Variants in ADGRA3 observed in about 807,000 individuals in gnomAD.
The protein encoded by ADGRA3 is adhesion G protein-coupled receptor A3, also known as G-protein coupled receptor 125.
In ADGRA3, 56 loss-of-function variants were observed where a neutral mutation model predicts 119.8. The ratio of observed to expected loss-of-function variants is 0.47; its 90% confidence interval spans 0.38 to 0.58. The LOEUF (loss-of-function observed/expected upper bound fraction) is 0.58, where lower values mean the gene tolerates loss of function less well. Ranked by LOEUF, ADGRA3 falls within the 20% of genes least tolerant of loss-of-function variation. The probability of loss-of-function intolerance (pLI) is 0.00; values close to 1 mark genes in which losing one functional copy is unlikely to be tolerated. For synonymous variants in ADGRA3, 607 were observed against 623.8 expected (o/e 0.97, Z 0.40); for missense variants, 1,516 against 1,649.0 (o/e 0.92, Z 1.40).
intron 2 of ADGRA3, among the ~76,000 whole-genome samples, chr4:22,469,147 T>C (rs913086670): frequency 6.6e-6 from 1 of 152,120 alleles, no homozygotes; most frequent in Non-Finnish European, 1.5e-5. Flanking sequence ...CCTCCCTCTG[T>C]TCTGTGCTTT....
chr4:22,419,579 G>A (rs1715565828), intron 12 of ADGRA3, among the ~76,000 whole-genome samples: 1 of 152,212 alleles, frequency 6.6e-6, no homozygotes, highest in Admixed American at 6.5e-5. Context: ...TTACCCAGAG[G>A]GGTAGGTTGT....
intron 1 of ADGRA3, among the ~76,000 whole-genome samples, chr4:22,489,535 C>T (rs769009559): frequency 6.6e-6 from 1 of 151,942 alleles, no homozygotes; most frequent in African/African-American, 2.4e-5. Flanking sequence ...AAAAAAATAA[C>T]GAAAAGGAAA....
At chr4:22,434,975 T>C (rs1716336267) in intron 10 of ADGRA3, among the ~76,000 whole-genome samples, 1 of 152,196 alleles carries the variant, frequency 6.6e-6, no homozygotes, top group Non-Finnish European at 1.5e-5. Flanking sequence ...CACGAGGATA[T>C]GTGGAGAAGA....
At chr4:22,436,707 G>T in intron 8 of ADGRA3, 66 bp from the exon 9 acceptor site, 1 of 1,374,950 alleles carries the variant, frequency 7.3e-7, no homozygotes, top group Non-Finnish European at 1.0e-6. Flanking sequence ...AATAACAACA[G>T]CAGAGAAAAA....
intron 12 of ADGRA3, among the ~76,000 whole-genome samples, chr4:22,416,160 C>A (rs1715422672): frequency 6.6e-6 from 1 of 152,162 alleles, no homozygotes; most frequent in African/African-American, 2.4e-5. Flanking sequence ...ACACTTACTT[C>A]ATTTGGTGCA....
rs568549508 is a variant in ADGRA3 at position 22,396,225 on chromosome 4, C to A, written c.2482-3535G>T. Among the ~76,000 whole-genome samples, 7 of 152,268 alleles carry A rather than the reference C, an allele frequency of 4.6e-5. No individual in the cohort carries two copies. In the East Asian group the frequency reaches 1.2e-3, roughly 25 times the overall value. ...AAAGAGAGTTAAAGGCCGTAGAAAG[C>A]ACCTAAGGTCCTACCTGAAATGAAT... is the stretch of plus-strand genomic sequence containing the variant. On this transcript the variant is annotated intron_variant, in intron 16 of 18. Coordinates refer to ENST00000334304, the MANE Select transcript of ADGRA3 (RefSeq NM_145290.4).
At chr4:22,432,816 G>A (rs1316454240) in intron 10 of ADGRA3, among the ~76,000 whole-genome samples, 1 of 152,100 alleles carries the variant, frequency 6.6e-6, no homozygotes, top group Non-Finnish European at 1.5e-5. Context: ...GCTTGTGTTG[G>A]CCAGGCTCAA....
At chr4:22,458,126 G>C (rs1034512060) in intron 3 of ADGRA3, among the ~76,000 whole-genome samples, 2 of 152,170 alleles carry the variant, frequency 1.3e-5, no homozygotes, top group African/African-American at 4.8e-5. Context: ...AGGGATGGTT[G>C]AAATAAAAAT....
Position 22,507,080 on chromosome 4 carries a change from T to TAA in ADGRA3, c.257+8446_257+8447dup, listed in dbSNP as rs34248497. Among the ~76,000 whole-genome samples the TAA allele has an allele frequency of 7.6e-3, 1,141 of 149,282 alleles. 10 individuals are homozygous for TAA. The highest frequency in any genetic ancestry group is 0.012 in the Admixed American group (177 of 14,980). On this transcript the variant is annotated intron_variant, in intron 1 of 18. Transcript: ENST00000334304. ...ATGAAACCCCATCTCTACTAAAAAT[T>TAA]AAAAAAAAAATTAGCCGGGCATGGT...
chr4:22,490,887 T>C (rs1368240712), intron 1 of ADGRA3, among the ~76,000 whole-genome samples: 3 of 152,158 alleles, frequency 2.0e-5, no homozygotes, highest in African/African-American at 7.2e-5. Context: ...CACAGCTCTG[T>C]AGGTCGGAAG....
Position 22,450,540 on chromosome 4 carries a change from C to T in ADGRA3, c.474-3029G>A, listed in dbSNP as rs145820142. Among the ~76,000 whole-genome samples, 501 of 152,272 alleles carry T rather than the reference C, an allele frequency of 3.3e-3. 3 individuals are homozygous for T. Among genetic ancestry groups the T allele is most frequent in the African/African-American group, 0.012 (486 of 41,566 alleles). On this transcript the variant is annotated intron_variant, in intron 4 of 18. Coordinates refer to ENST00000334304, the MANE Select transcript of ADGRA3 (RefSeq NM_145290.4). ...CTCAGCCTCCAAAGTGCTGGGATTA[C>T]GGGCGTGAGCCACTGTGCCCAGCCA...
chr4:22,414,276 CA>C (rs1715341941), intron 12 of ADGRA3: 1 of 236,352 alleles, frequency 4.2e-6, no homozygotes, highest in African/African-American at 2.3e-5. Flanking sequence ...CTCCACACAA[CA>C]AAAGAATGAA....
chr4:22,391,008 C>T (rs1288645345), intron 17 of ADGRA3, among the ~76,000 whole-genome samples: 4 of 152,114 alleles, frequency 2.6e-5, no homozygotes, highest in Admixed American at 1.3e-4. Context: ...CACAGAACCA[C>T]TCTCCCACAA....
At chr4:22,443,836 TTTTA>T (rs761942386) in intron 6 of ADGRA3, among the ~76,000 whole-genome samples, 35 of 152,312 alleles carry the variant, frequency 2.3e-4, no homozygotes, top group South Asian at 6.2e-4. Flanking sequence ...TCTCTGCTTC[TTTTA>T]TTTATTTGCA....
At chr4:22,448,490 T>C (rs1276671707) in intron 4 of ADGRA3, among the ~76,000 whole-genome samples, 1 of 152,176 alleles carries the variant, frequency 6.6e-6, no homozygotes, top group African/African-American at 2.4e-5. Context: ...GAGGATGGGA[T>C]AGAAATCCAG....
At chr4:22,486,119 C>T (rs1177175811) in intron 1 of ADGRA3, among the ~76,000 whole-genome samples, 3 of 152,174 alleles carry the variant, frequency 2.0e-5, no homozygotes, top group African/African-American at 7.2e-5. Flanking sequence ...TTTATTTATT[C>T]CACAACGTCC....
intron 12 of ADGRA3, among the ~76,000 whole-genome samples, chr4:22,416,549 G>C (rs1715436847): frequency 6.6e-6 from 1 of 152,038 alleles, no homozygotes; most frequent in South Asian, 2.1e-4. Flanking sequence ...GGACCAGATG[G>C]GATCAGGACC....
chr4:22,509,019 C>T (rs763955115), intron 1 of ADGRA3, among the ~76,000 whole-genome samples: 59 of 152,200 alleles, frequency 3.9e-4, no homozygotes, highest in Non-Finnish European at 7.2e-4. Context: ...TCTCCCAAGA[C>T]AAGGTATTGT....
At chr4:22,492,715 G>A (rs769729260) in intron 1 of ADGRA3, among the ~76,000 whole-genome samples, 2 of 152,122 alleles carry the variant, frequency 1.3e-5, no homozygotes, top group Admixed American at 6.5e-5. Flanking sequence ...CTGAAAAGAT[G>A]GCTTTTTTCT....
Sources: gnomAD v4.1 joint callset for allele counts (sites outside exome capture counted in the v4.1 genomes callset) on GRCh38, gnomAD v4.1.1 for gene constraint, MANE v1.5 for transcripts, NCBI Gene and HGNC (gene_info 2026-07-23, HGNC 2026-07-21) for gene names.